TMEM232: variants seen among roughly 807,000 people sequenced by gnomAD.
The protein encoded by TMEM232 is transmembrane protein 232.
In TMEM232, 80 loss-of-function variants were observed where a neutral mutation model predicts 78.8. The observed-to-expected ratio is 1.01, with a 90% CI of 0.85 to 1.22. TMEM232 has a LOEUF of 1.22. Ranked by LOEUF, TMEM232 falls within the 50% of genes most tolerant of loss-of-function variation. TMEM232 has a pLI of 0.00. For synonymous variants in TMEM232, 297 were observed against 254.3 expected (o/e 1.17, Z -1.60); for missense variants, 881 against 742.2 (o/e 1.19, Z -2.17).
rs756488953 is a variant in TMEM232 at position 110,478,383 on chromosome 5, C to CTA, written c.1703+50203_1703+50204dup. On this transcript the variant is annotated intron_variant, in intron 12 of 13. Coordinates refer to ENST00000455884, the MANE Select transcript of TMEM232 (RefSeq NM_001039763.4). ...ACTGTCCTCAGCAGTTTTCCACACT[C>CTA]TAAATACTAAGGATTTGCCTATGCA... Among the ~76,000 whole-genome samples the CTA allele has an allele frequency of 4.4e-4, 67 of 151,650 alleles. 1 individual carries two copies. In the South Asian group the frequency reaches 0.013, roughly 30 times the overall value.
intron 3 of TMEM232, among the ~76,000 whole-genome samples, chr5:110,391,318 T>TGAGAGAGAGAGA (rs1361880347): frequency 5.8e-5 from 8 of 137,264 alleles, no homozygotes; most frequent in African/African-American, 2.3e-4. Context: ...TGTGTGTGTG[T>TGAGAGAGAGAGA]GTGTGTGTGA....
Position 110,537,027 on chromosome 5 carries a change from G to A in TMEM232, c.1456-8192C>T, listed in dbSNP as rs535493009. On this transcript the variant is annotated intron_variant, in intron 11 of 13. Coordinates refer to ENST00000455884, the MANE Select transcript of TMEM232 (RefSeq NM_001039763.4). ...GACAGACTAAGACAGGGCTCAAAAG[G>A]TGAATGCCCCTGGGGACTCCAGTCA... is the stretch of plus-strand genomic sequence containing the variant. 1.7e-4 allele frequency among the ~76,000 whole-genome samples: 26 copies of A among 152,230 alleles called. No individual in the cohort carries two copies. The South Asian group carries it at 2.1e-3, about 12-fold the overall frequency.
chr5:110,470,267 C>A (rs1047976237), intron 12 of TMEM232, among the ~76,000 whole-genome samples: 2 of 152,172 alleles, frequency 1.3e-5, no homozygotes, highest in Non-Finnish European at 2.9e-5. Flanking sequence ...GTTATAGCTA[C>A]AACCTTGTTC....
At chr5:110,692,244 G>A (rs1794216038) in intron 1 of TMEM232, among the ~76,000 whole-genome samples, 1 of 152,176 alleles carries the variant, frequency 6.6e-6, no homozygotes, top group Non-Finnish European at 1.5e-5. Flanking sequence ...CACTGACTGA[G>A]TCTGTGTTTC....
chr5:110,412,578 T>A (rs1381276236), intron 2 of TMEM232, among the ~76,000 whole-genome samples: 1 of 151,962 alleles, frequency 6.6e-6, no homozygotes. Flanking sequence ...TTTTTTTTTT[T>A]TATCAGAATA....
At chr5:110,730,143 C>T (rs1160169639), upstream of TMEM232, among the ~76,000 whole-genome samples, 1 of 151,788 alleles carries the variant, frequency 6.6e-6, no homozygotes, top group South Asian at 2.1e-4. Flanking sequence ...ATTTCTCAAA[C>T]CTTAAGCTTC....
At chr5:110,414,295 T>G (rs1756107178) in intron 2 of TMEM232, among the ~76,000 whole-genome samples, 1 of 152,188 alleles carries the variant, frequency 6.6e-6, no homozygotes, top group Non-Finnish European at 1.5e-5. Flanking sequence ...GTATTATATT[T>G]TCTGTCCTGT....
chr5:110,482,953 G>T (rs1001638772), intron 12 of TMEM232, among the ~76,000 whole-genome samples: 2 of 152,260 alleles, frequency 1.3e-5, no homozygotes, highest in East Asian at 3.9e-4. Flanking sequence ...ATGAAAATGA[G>T]CAGACACTAA....
At chr5:110,555,219 TTTCATAAG>T (rs1482053265) in intron 11 of TMEM232, among the ~76,000 whole-genome samples, 1 of 152,192 alleles carries the variant, frequency 6.6e-6, no homozygotes, top group East Asian at 1.9e-4. Flanking sequence ...GTATCTTTGT[TTTCATAAG>T]TCTTGAAAAA....
At chr5:110,665,891 C>CAAAA (rs775392111) in intron 2 of TMEM232, among the ~76,000 whole-genome samples, 11 of 63,780 alleles carry the variant, frequency 1.7e-4, no homozygotes, top group Admixed American at 5.1e-4. Flanking sequence ...CCCATCTCCA[C>CAAAA]AAAAAAAAAA....
intron 1 of TMEM232, among the ~76,000 whole-genome samples, chr5:110,685,839 CA>C (rs1489712490): frequency 3.9e-5 from 6 of 152,154 alleles, no homozygotes; most frequent in Admixed American, 2.0e-4. Context: ...ATGCTACAAG[CA>C]ACGACATGCA....
intron 12 of TMEM232, among the ~76,000 whole-genome samples, chr5:110,505,567 C>G (rs530902039): frequency 6.6e-6 from 1 of 152,306 alleles, no homozygotes; most frequent in Admixed American, 6.5e-5. Flanking sequence ...AATGCAGTGG[C>G]ATGATCTCAG....
chr5:110,711,483 G>C (rs190580200), intron 1 of TMEM232, among the ~76,000 whole-genome samples: 29 of 152,212 alleles, frequency 1.9e-4, no homozygotes, highest in Non-Finnish European at 3.5e-4. Context: ...AACAAAATTG[G>C]AGGAATCACA....
At chr5:110,528,943 T>G in intron 11 of TMEM232, 108 bp from the exon 12 acceptor site, 1 of 1,037,556 alleles carries the variant, frequency 9.6e-7, no homozygotes, top group Non-Finnish European at 1.2e-6. Context: ...TTGACTAATA[T>G]TGCATTTTTC....
At chr5:110,628,932 T>C (rs766315650) in intron 5 of TMEM232, 3 of 152,006 alleles carry the variant, frequency 2.0e-5, no homozygotes, top group Admixed American at 2.0e-4. Context: ...CAAACCTCTA[T>C]CATTACTAAT....
At chr5:110,476,266 T>TG (rs780175355) in intron 12 of TMEM232, among the ~76,000 whole-genome samples, 32 of 152,088 alleles carry the variant, frequency 2.1e-4, no homozygotes, top group Non-Finnish European at 4.4e-4. Context: ...GTCATATGGA[T>TG]GGGGTCTCAT....
rs1435337017 is a variant in TMEM232, at chr5:110,528,670, G to T, written c.1621C>A (p.Pro541Thr). 1 of 1,534,766 alleles carries T rather than the reference G, an allele frequency of 6.5e-7. No homozygotes were observed. The highest frequency in any genetic ancestry group is 8.7e-7 in the Non-Finnish European group (1 of 1,146,302). ...TTTGTTTGATCCTTTTTTATTGATG[G>T]TTTCTTCAAAGGAAGAAAATGGGCC... ...IEAHFLPLKKPSIKKDQTKYP... is the reference protein window; with the variant it reads ...IEAHFLPLKKTSIKKDQTKYP... The change falls in exon 12 of 14, where the codon CCA (proline) becomes ACA (threonine). Residue 541 changes from proline to threonine, a missense_variant. Transcript: ENST00000455884.
Position 110,650,853 on chromosome 5 carries a change from G to A in TMEM232, c.126-8482C>T, listed in dbSNP as rs76811935. On this transcript the variant is annotated intron_variant, in intron 2 of 13. Transcript: ENST00000455884. ...ATGTATTAACATGGTTCAATATTGC[G>A]ACAAATGTATCATACTAATGTAGGA... is the stretch of plus-strand genomic sequence containing the variant. 1.4e-4 allele frequency among the ~76,000 whole-genome samples: 22 copies of A among 152,160 alleles called. No individual in the cohort carries two copies. In the East Asian group the frequency reaches 3.7e-3, roughly 25 times the overall value.
chr5:110,400,427 C>A (rs1286092899), intron 2 of TMEM232, among the ~76,000 whole-genome samples: 1 of 151,932 alleles, frequency 6.6e-6, no homozygotes, highest in Non-Finnish European at 1.5e-5. Flanking sequence ...TCTAATTTTT[C>A]TTTATTAATA....
Sources: allele counts gnomAD v4.1 joint callset (sites outside exome capture counted in the v4.1 genomes callset), GRCh38; gene constraint gnomAD v4.1.1; transcripts MANE v1.5; gene names NCBI Gene and HGNC (gene_info 2026-07-23, HGNC 2026-07-21).